MCAT: variants seen among roughly 807,000 people sequenced by gnomAD.
MCAT encodes the protein malonyl-CoA-acyl carrier protein transacylase.
MCAT carries 22 observed loss-of-function variants against 22.9 expected under a neutral mutation model. The observed-to-expected ratio is 0.96, with a 90% confidence interval of 0.69 to 1.37. The LOEUF (loss-of-function observed/expected upper bound fraction) is 1.37, where lower values mean the gene tolerates loss of function less well. Among genes scored for constraint, MCAT ranks in the 40% most tolerant of loss-of-function variants. MCAT has a pLI of 0.00. For synonymous variants in MCAT, 240 were observed against 233.9 expected, an observed-to-expected ratio of 1.03 and a Z score of -0.24; for missense variants, 534 against 533.6, an observed-to-expected ratio of 1.00 and a Z score of -0.01.
chr22:43,134,982 G>A (rs1930561876), intron 3 of MCAT, among the ~76,000 whole-genome samples: 1 of 152,228 alleles, frequency 6.6e-6, no homozygotes, highest in African/African-American at 2.4e-5. Flanking sequence ...TAAGATCTCT[G>A]GACTCTGGCT....
intron 2 of MCAT, among the ~76,000 whole-genome samples, chr22:43,137,751 A>AC (rs1930661688): frequency 7.0e-6 from 1 of 142,288 alleles, no homozygotes; most frequent in Non-Finnish European, 1.5e-5. Flanking sequence ...TTTTTTTTTT[A>AC]AATAGTGCCA....
chr22:43,137,212 GC>G lies in MCAT; in HGVS notation c.597del (p.Gln199HisfsTer20). 6.2e-7 allele frequency: 1 copy of G among 1,614,214 alleles called. No individual in the cohort carries two copies. Among genetic ancestry groups the G allele is most frequent in the Non-Finnish European group, 8.5e-7 (1 of 1,180,042 alleles). On this transcript the variant is annotated frameshift_variant, in exon 3 of 4. Coordinates refer to ENST00000290429, the MANE Select transcript of MCAT (RefSeq NM_173467.5). LOFTEE classifies it high-confidence loss of function. ...CAGGCGAAGTTGAACTTGGACTGAGGCTGGCCGAGGACAGACAGCATCCCAC... is the reference window on the plus strand; with the variant it reads ...CAGGCGAAGTTGAACTTGGACTGAGGTGGCCGAGGACAGACAGCATCCCAC... ...VPSGMLSVLG[Q>X]PQSKFNFACL...
chr22:43,140,406 C>T (rs573954493), intron 2 of MCAT, among the ~76,000 whole-genome samples: 7 of 152,254 alleles, frequency 4.6e-5, no homozygotes, highest in African/African-American at 7.2e-5. Flanking sequence ...TGCAGTGGCA[C>T]GATCACAGCT....
chr22:43,140,053 T>C (rs1369398298), intron 2 of MCAT, among the ~76,000 whole-genome samples: 3 of 152,156 alleles, frequency 2.0e-5, no homozygotes, highest in Admixed American at 6.5e-5. Flanking sequence ...TCAGTGGTAT[T>C]TGGGGTATTC....
intron 2 of MCAT, 31 bp downstream of exon 2, chr22:43,141,131 G>A (rs752154658): frequency 4.4e-6 from 7 of 1,597,822 alleles, no homozygotes; most frequent in Admixed American, 3.3e-5. Context: ...CAAGACCACA[G>A]CCTTGCATAA....
At chr22:43,137,333 G>T (rs369548293) in intron 2 of MCAT, 35 bp from the exon 3 acceptor site, 101 of 1,572,820 alleles carry the variant, frequency 6.4e-5, no homozygotes, top group Non-Finnish European at 8.3e-5. Flanking sequence ...AAAAATGAGG[G>T]CACAGAATGA....
At chr22:43,136,097 A>G (rs1435002607) in intron 3 of MCAT, among the ~76,000 whole-genome samples, 1 of 152,066 alleles carries the variant, frequency 6.6e-6, no homozygotes, top group Non-Finnish European at 1.5e-5. Context: ...TACAAAAGTT[A>G]GCCAGGTGTG....
chr22:43,142,722 C>T (rs1930804647), intron 1 of MCAT, among the ~76,000 whole-genome samples: 1 of 151,170 alleles, frequency 6.6e-6, no homozygotes, highest in African/African-American at 2.4e-5. Flanking sequence ...GGAGGCGGAG[C>T]CGAGATCGCG....
Position 43,132,929 on chromosome 22 carries a change from A to C in MCAT, c.*114T>G. On this transcript the variant is annotated 3_prime_UTR_variant, in exon 4 of 4. Coordinates refer to ENST00000290429, the MANE Select transcript of MCAT (RefSeq NM_173467.5). Reference sequence around the variant, plus strand: ...TGGCCTTCAAAGCACGTTGCAAACAAATCCCTTTCACTCCTCAGAGGAGGA... The same window carrying C: ...TGGCCTTCAAAGCACGTTGCAAACACATCCCTTTCACTCCTCAGAGGAGGA... The C allele has an allele frequency of 1.0e-6, 1 of 969,022 alleles. No individual in the cohort carries two copies. The highest frequency in any genetic ancestry group is 1.6e-6 in the Non-Finnish European group (1 of 644,634). The allele number at this position is 969,022 out of a possible 1,614,324, so 60.0% of individuals were successfully genotyped here.
At chr22:43,141,990 A>C (rs956295117) in intron 1 of MCAT, among the ~76,000 whole-genome samples, 1 of 152,260 alleles carries the variant, frequency 6.6e-6, no homozygotes, top group African/African-American at 2.4e-5. Flanking sequence ...ACAGACCCAG[A>C]CTAGGGTAAG....
intron 2 of MCAT, among the ~76,000 whole-genome samples, chr22:43,138,507 C>A (rs1428058870): frequency 6.6e-6 from 1 of 152,160 alleles, no homozygotes; most frequent in Non-Finnish European, 1.5e-5. Flanking sequence ...GAGGCCAAGG[C>A]AGGCAGATCA....
Position 43,136,580 on chromosome 22 carries a change from C to T in MCAT, c.729+501G>A, listed in dbSNP as rs549572524. On this transcript the variant is annotated intron_variant, in intron 3 of 3. Coordinates refer to ENST00000290429, the MANE Select transcript of MCAT (RefSeq NM_173467.5). ...TCCATTCACGGGGCTCTTCCTTTGA[C>T]GGCAGGAACCCTGGCTAATCAGTCT... 2.4e-4 allele frequency among the ~76,000 whole-genome samples: 36 copies of T among 152,336 alleles called. 1 individual carries two copies. The highest frequency in any genetic ancestry group is 8.3e-4 in the South Asian group (4 of 4,830).
intron 2 of MCAT, among the ~76,000 whole-genome samples, chr22:43,138,623 G>C (rs1325992561): frequency 6.6e-6 from 1 of 152,180 alleles, no homozygotes; most frequent in Admixed American, 6.5e-5. Flanking sequence ...TGTGGTCCCA[G>C]CTACTTGGGA....
In MCAT at chr22:43,143,327, C is replaced by G; in HGVS notation, c.22G>C (p.Val8Leu). The G allele has an allele frequency of 7.2e-7, 1 of 1,392,424 alleles. No individual in the cohort carries two copies. The highest frequency in any genetic ancestry group is 9.2e-7 in the Non-Finnish European group (1 of 1,083,844). 86.3% of individuals were successfully genotyped at this position (1,392,424 alleles called of 1,614,324 possible). ...GCGCCCAAGCCCCTGACCCACGCTA[C>G]CCGTGCGACCCGGACGCTCATGGTC... MSVRVAR[V>L]AWVRGLGASY... Residue 8 changes from valine to leucine, a missense_variant, in exon 1 of 4, where the codon GTA becomes CTA. Val to Leu is a conservative substitution (Grantham distance 32, BLOSUM62 1). Coordinates refer to ENST00000290429, the MANE Select transcript of MCAT (RefSeq NM_173467.5).
At chr22:43,142,762 G>A (rs1383477403) in intron 1 of MCAT, 164 bp downstream of exon 1, 2 of 374,324 alleles carry the variant, frequency 5.3e-6, no homozygotes, top group African/African-American at 2.3e-5. Flanking sequence ...GCGACAGAGC[G>A]AGACTCCGTC....
chr22:43,141,851 T>C (rs1930778385), intron 1 of MCAT, among the ~76,000 whole-genome samples: 2 of 152,222 alleles, frequency 1.3e-5, no homozygotes, highest in South Asian at 4.1e-4. Context: ...TTATAGGCAT[T>C]ATAGGCGTGA....
In MCAT at chr22:43,133,271, C is replaced by T; in HGVS notation, c.945G>A (p.Leu315=). The change falls in exon 4 of 4, where the codon CTG becomes CTA. Residue 315 remains leucine, a synonymous_variant. Transcript: ENST00000290429. ...RYRHPGHIHK[L]LAQQLVSPVK... is the part of the protein sequence containing the mutation. Reference sequence around the variant, plus strand: ...CTGGGGAGACCAGCTGCTGGGCCAGCAGCTTGTGGATGTGCCCGGGATGCC... The same window carrying T: ...CTGGGGAGACCAGCTGCTGGGCCAGTAGCTTGTGGATGTGCCCGGGATGCC... 1 of 1,614,220 alleles carries T rather than the reference C, an allele frequency of 6.2e-7. No individual in the cohort carries two copies. The highest frequency in any genetic ancestry group is 8.5e-7 in the Non-Finnish European group (1 of 1,180,046).
intron 3 of MCAT, among the ~76,000 whole-genome samples, chr22:43,136,589 C>A (rs1332186950): frequency 2.6e-5 from 4 of 152,206 alleles, no homozygotes; most frequent in African/African-American, 9.7e-5. Context: ...ACGGCAGGAA[C>A]CCTGGCTAAT....
At chr22:43,136,595 C>G (rs1191928937) in intron 3 of MCAT, among the ~76,000 whole-genome samples, 3 of 152,212 alleles carry the variant, frequency 2.0e-5, no homozygotes, top group Non-Finnish European at 2.9e-5. Flanking sequence ...GGAACCCTGG[C>G]TAATCAGTCT....
Sources: allele counts gnomAD v4.1 joint callset (sites outside exome capture counted in the v4.1 genomes callset), GRCh38; gene constraint gnomAD v4.1.1; transcripts MANE v1.5; gene names NCBI Gene and HGNC (gene_info 2026-07-23, HGNC 2026-07-21).